SNX22: variants seen among roughly 807,000 people sequenced by gnomAD.
SNX22 encodes sorting nexin 22.
A neutral mutation model predicts 24.7 loss-of-function variants in SNX22; 23 were observed. The observed-to-expected ratio is 0.93, with a 90% confidence interval of 0.67 to 1.32. The LOEUF (loss-of-function observed/expected upper bound fraction) is 1.32. Among genes scored for constraint, SNX22 ranks in the 40% most tolerant of loss-of-function variants. The probability of loss-of-function intolerance (pLI) is 0.00; values close to 1 mark genes in which losing one functional copy is unlikely to be tolerated. For missense variants in SNX22, 261 were observed against 249.9 expected (o/e 1.04, Z -0.30); for synonymous variants, 99 against 104.0 (o/e 0.95, Z 0.29).
chr15:64,152,865 A>C, intron 3 of SNX22, 123 bp downstream of exon 3: 1 of 796,440 alleles, frequency 1.3e-6, no homozygotes, highest in East Asian at 2.7e-5. Flanking sequence ...CACCACCTCA[A>C]GCATCAATTT....
chr15:64,152,903 C>A, intron 3 of SNX22, 161 bp downstream of exon 3: 1 of 645,482 alleles, frequency 1.5e-6, no homozygotes, highest in Non-Finnish European at 2.7e-6. Flanking sequence ...TCCAAACACC[C>A]CCCTCTGGCT....
At position 64,156,080 on chromosome 15, in the gene SNX22, G is replaced by GA. The variant is rs2081528623; in HGVS notation, c.*1573dup. 6.2e-7 allele frequency: 1 copy of GA among 1,614,092 alleles called. No homozygotes were observed. Among genetic ancestry groups the GA allele is most frequent in the Non-Finnish European group, 8.5e-7 (1 of 1,180,046 alleles). ...CCTCGATCTTGCCGCAGTCTGCGAT[G>GA]ATCACATCCTTCAGGGGTTTATCCC... On this transcript the variant is annotated 3_prime_UTR_variant, in exon 7 of 7. Coordinates refer to ENST00000325881, the MANE Select transcript of SNX22 (RefSeq NM_024798.3). This position sits in a 1 kb window ranked among gnomAD's most constrained non-coding sequence, Gnocchi z 6.4.
rs547607309 is a variant in SNX22, at chr15:64,152,408, G to C, written c.159+82G>C. 1.1e-5 allele frequency: 15 copies of C among 1,402,850 alleles called. 1 individual carries two copies. The South Asian group carries it at 2.1e-4, about 19-fold the overall frequency. 86.9% of individuals were successfully genotyped at this position (1,402,850 alleles called of 1,614,324 possible). A position where few individuals can be genotyped will look rare whatever the true frequency, so the allele number is the denominator to read the frequency against. On this transcript the variant is annotated intron_variant, in intron 2 of 6. Transcript: ENST00000325881. ...CAGGCCCTGTGAGGCGGGCGGGCGA[G>C]CCCCAGCCTCCGCCACCCCCATTAC...
chr15:64,153,715 C>T (rs2081504266), intron 5 of SNX22, 31 bp downstream of exon 5: 3 of 1,613,928 alleles, frequency 1.9e-6, no homozygotes, highest in Non-Finnish European at 2.5e-6. Context: ...GCGCTTGGCC[C>T]CTGCTGCCCC....
At chr15:64,153,385 A>G (rs2081501573) in intron 4 of SNX22, 46 bp downstream of exon 4, 10 of 1,610,516 alleles carry the variant, frequency 6.2e-6, no homozygotes, top group Non-Finnish European at 8.5e-6. Context: ...AGCAGTGAGC[A>G]GGTGAGGAAA....
Position 64,154,521 on chromosome 15 carries a change from C to G in SNX22, c.*13C>G, listed in dbSNP as rs755943992. 1.2e-6 allele frequency: 2 copies of G among 1,612,630 alleles called. No individual in the cohort carries two copies. The highest frequency in any genetic ancestry group is 1.7e-6 in the Non-Finnish European group (2 of 1,179,142). ...ACCGATGCCCTGATCAGTCCAGAGG[C>G]CTTTGGCTGCCTCCTAAGAAAGTCA... On this transcript the variant is annotated 3_prime_UTR_variant, in exon 7 of 7. Transcript: ENST00000325881.
chr15:64,153,768 G>A (rs1242241233), intron 5 of SNX22, 84 bp downstream of exon 5: 2 of 1,604,840 alleles, frequency 1.2e-6, no homozygotes, highest in Non-Finnish European at 1.7e-6. Context: ...GCCTGGGCCT[G>A]TCTGGCCTGG....
In SNX22 at chr15:64,152,264, T is replaced by A. The variant is rs1021966995; in HGVS notation, c.97T>A (p.Cys33Ser). ...SHMVFRVEVL[C>S]SGRRHTVPRR... ...CCAGGTGTTCCGAGTGGAGGTGCTG[T>A]GCAGCGGGCGCAGACACACGGTGCC... Residue 33 changes from cysteine to serine, a missense_variant, in exon 2 of 7, where the codon TGC (cysteine) becomes AGC (serine). Cys to Ser is a moderately radical substitution (Grantham distance 112). Coordinates refer to ENST00000325881, the MANE Select transcript of SNX22 (RefSeq NM_024798.3). The A allele has an allele frequency of 1.4e-6, 2 of 1,471,192 alleles. No individual in the cohort carries two copies. Among genetic ancestry groups the A allele is most frequent in the Non-Finnish European group, 1.8e-6 (2 of 1,120,382 alleles). The allele number at this position is 1,471,192 out of a possible 1,614,324, so 91.1% of individuals were successfully genotyped here. A position where few individuals can be genotyped will look rare whatever the true frequency, so the allele number is the denominator to read the frequency against.
Position 64,155,609 on chromosome 15 carries a change from C to CA in SNX22, c.*1104dup, listed in dbSNP as rs985906288. 1.2e-5 allele frequency: 3 copies of CA among 249,254 alleles called. No individual in the cohort carries two copies. Among genetic ancestry groups the CA allele is most frequent in the African/African-American group, 6.8e-5 (3 of 43,890 alleles). 15.4% of individuals were successfully genotyped at this position (249,254 alleles called of 1,614,324 possible). ...GACTGGAGGGTGGTGGCAAGGGGAGCAAATGTGGAGGCCCAGTAGCTGGCA... is the reference window on the plus strand; with the variant it reads ...GACTGGAGGGTGGTGGCAAGGGGAGCAAAATGTGGAGGCCCAGTAGCTGGCA... On this transcript the variant is annotated 3_prime_UTR_variant, in exon 7 of 7. Transcript: ENST00000325881.
In SNX22 at chr15:64,155,647, A is replaced by C. The variant is rs1251823741; in HGVS notation, c.*1139A>C. 3.5e-6 allele frequency: 1 copy of C among 288,684 alleles called. No individual in the cohort carries two copies. The highest frequency in any genetic ancestry group is 2.2e-5 in the African/African-American group (1 of 45,874). The allele number at this position is 288,684 out of a possible 1,614,324, so 17.9% of individuals were successfully genotyped here. The stretch of plus-strand genomic sequence containing the variant: ...CCAGTAGCTGGCAAAGTTTAGAAGC[A>C]GGGGGCAAAAGCTCCTGCCTGACTT... On this transcript the variant is annotated 3_prime_UTR_variant, in exon 7 of 7. Transcript: ENST00000325881.
At position 64,155,864 on chromosome 15, in the gene SNX22, T is replaced by A; in HGVS notation, c.*1356T>A. On this transcript the variant is annotated 3_prime_UTR_variant, in exon 7 of 7. Transcript: ENST00000325881. The stretch of plus-strand genomic sequence containing the variant: ...ATTTTTTTTTATTGGTCAGTGTTGG[T>A]AGGAGTTTGTTACAAAAGTGAGTCC... The A allele has an allele frequency of 9.6e-7, 1 of 1,042,956 alleles. No homozygotes were observed. The highest frequency in any genetic ancestry group is 1.9e-5 in the Admixed American group (1 of 53,914). The allele number at this position is 1,042,956 out of a possible 1,614,324, so 64.6% of individuals were successfully genotyped here. A position where few individuals can be genotyped will look rare whatever the true frequency, so the allele number is the denominator to read the frequency against.
intron 6 of SNX22, 71 bp downstream of exon 6, chr15:64,154,073 C>T: frequency 6.2e-7 from 1 of 1,613,672 alleles, no homozygotes; most frequent in East Asian, 2.2e-5. Context: ...TCCTGGGACC[C>T]TCAGACAGCA....
intron 6 of SNX22, 165 bp downstream of exon 6, chr15:64,154,167 G>C (rs1222170211): frequency 3.2e-6 from 5 of 1,577,112 alleles, no homozygotes; most frequent in Non-Finnish European, 4.3e-6. Flanking sequence ...AGGAAAACAA[G>C]TTTGGCTTCC....
chr15:64,152,615 C>A, intron 2 of SNX22, 23 bp from the exon 3 acceptor site: 2 of 1,608,124 alleles, frequency 1.2e-6, no homozygotes, highest in South Asian at 1.1e-5. Context: ...ATGCTGTGAT[C>A]GCACGCGGTA....
chr15:64,151,897 T>A (rs1290506304), intron 1 of SNX22, 47 bp downstream of exon 1: 18 of 1,494,758 alleles, frequency 1.2e-5, no homozygotes, highest in Non-Finnish European at 1.5e-5. Flanking sequence ...CCCGCAGGAT[T>A]TCCCCGCGCT....
In SNX22 at chr15:64,152,319, A is replaced by G. The variant is rs529328227; in HGVS notation, c.152A>G (p.His51Arg). 49 of 1,515,062 alleles carry G rather than the reference A, an allele frequency of 3.2e-5. No homozygotes were observed. In the East Asian group the frequency reaches 1.2e-3, roughly 36 times the overall value. The allele number at this position is 1,515,062 out of a possible 1,614,324, so 93.9% of individuals were successfully genotyped here. The change falls in exon 2 of 7, where the codon CAC (histidine) becomes CGC (arginine). Residue 51 changes from histidine (H) to arginine (R), a missense_variant. Physicochemically the swap from His to Arg is conservative, Grantham distance 29. Transcript: ENST00000325881. ...PRRYSEFHAL[H>R]KRIKKLYKVP... ...CGCTACAGCGAGTTCCACGCGCTGC[A>G]CAAGCGGGTGAGGCGGCGCCGACCT...
chr15:64,156,261 A>T lies in SNX22; in HGVS notation c.*1753A>T, dbSNP rs41434449. ...AAGACCCACAAGTGATCAACAGCAC[A>T]CAAAACTGGAGGCACCAAAATTCTA... On this transcript the variant is annotated 3_prime_UTR_variant, in exon 7 of 7. Coordinates refer to ENST00000325881, the MANE Select transcript of SNX22 (RefSeq NM_024798.3). This position sits in a 1 kb window ranked among gnomAD's most constrained non-coding sequence, Gnocchi z 6.4. 0.11 allele frequency: 157,017 copies of T among 1,373,236 alleles called. 10,396 individuals are homozygous for T. The highest frequency in any genetic ancestry group is 0.13 in the Non-Finnish European group (132,035 of 985,552). The allele number at this position is 1,373,236 out of a possible 1,614,324, so 85.1% of individuals were successfully genotyped here. A position where few individuals can be genotyped will look rare whatever the true frequency, so the allele number is the denominator to read the frequency against.
intron 3 of SNX22, 54 bp from the exon 4 acceptor site, chr15:64,153,191 C>A (rs1409955991): frequency 1.9e-6 from 3 of 1,603,312 alleles, no homozygotes; most frequent in Non-Finnish European, 2.6e-6. Flanking sequence ...ACTGGCACTG[C>A]GCTATGCAAA....
chr15:64,152,404 G>T, intron 2 of SNX22, 78 bp downstream of exon 2: 1 of 1,410,612 alleles, frequency 7.1e-7, no homozygotes, highest in Non-Finnish European at 9.4e-7. Context: ...AGGCGGGCGG[G>T]CGAGCCCCAG....
Sources: gnomAD v4.1 joint callset for allele counts on GRCh38, gnomAD v4.1.1 for gene constraint, Gnocchi (gnomAD v3.1) non-coding constraint, MANE v1.5 for transcripts, NCBI Gene and HGNC (gene_info 2026-07-23, HGNC 2026-07-21) for gene names.